Variants in RARS2 observed in about 807,000 individuals in gnomAD.
The protein encoded by RARS2 is arginyl-tRNA synthetase 2, mitochondrial, also known as probable arginine--tRNA ligase, mitochondrial.
In RARS2, 67 loss-of-function variants were observed where a neutral mutation model predicts 88.5. The observed-to-expected ratio is 0.76, with a 90% confidence interval of 0.62 to 0.93. The LOEUF is 0.93. Among genes scored for constraint, RARS2 ranks in the 40% least tolerant of loss-of-function variants. The pLI, the probability that RARS2 is intolerant of heterozygous loss-of-function variation, is 0.00. For synonymous variants in RARS2, 239 were observed against 230.3 expected (o/e 1.04, Z -0.34); for missense variants, 664 against 684.2 (o/e 0.97, Z 0.33).
chr6:87,580,561 G>A (rs1325316294), intron 1 of RARS2, among the ~76,000 whole-genome samples: 2 of 150,154 alleles, frequency 1.3e-5, no homozygotes, highest in Admixed American at 1.3e-4. Flanking sequence ...GATTACCTGA[G>A]GTCAGGAATT....
At chr6:87,583,348 G>C (rs1265992333) in intron 1 of RARS2, among the ~76,000 whole-genome samples, 1 of 152,218 alleles carries the variant, frequency 6.6e-6, no homozygotes, top group East Asian at 1.9e-4. Flanking sequence ...CCAGCACTTT[G>C]CGAGGCCGAA....
intron 7 of RARS2, among the ~76,000 whole-genome samples, chr6:87,544,323 T>C (rs980565016): frequency 6.6e-6 from 1 of 152,234 alleles, no homozygotes; most frequent in African/African-American, 2.4e-5. Context: ...TGAACAGTAA[T>C]GGTTCTGTTA....
At chr6:87,515,553 T>C (rs1250810012) in intron 18 of RARS2, among the ~76,000 whole-genome samples, 1 of 151,902 alleles carries the variant, frequency 6.6e-6, no homozygotes, top group Admixed American at 6.6e-5. Context: ...TCAATGTTAA[T>C]TTTACAAATA....
intron 5 of RARS2, among the ~76,000 whole-genome samples, chr6:87,549,507 C>T (rs6916732): frequency 0.61 from 92,189 of 151,372 alleles, 28,867 homozygotes; most frequent in African/African-American, 0.75. Context: ...ACTACGATGA[C>T]TGCACTTCAG....
chr6:87,564,268 C>A, intron 2 of RARS2, 36 bp from the exon 3 acceptor site: 1 of 1,425,290 alleles, frequency 7.0e-7, no homozygotes, highest in Non-Finnish European at 9.9e-7. Context: ...AGAACTGTTA[C>A]CTTAAAAGCA....
In RARS2 at chr6:87,589,982, C is replaced by A. The variant is rs1388847974; in HGVS notation, c.-25G>T. The A allele has an allele frequency of 6.2e-7, 1 of 1,614,076 alleles. No homozygotes were observed. Among genetic ancestry groups the A allele is most frequent in the African/African-American group, 1.3e-5 (1 of 74,960 alleles). On this transcript the variant is annotated 5_prime_UTR_variant, in exon 1 of 20. Transcript: ENST00000369536. ...TGTCCACCTCTACGGAAGTGCGCCGCAGTCCGCCAGTTCCGGCCTCGCCCC... is the reference window on the plus strand; with the variant it reads ...TGTCCACCTCTACGGAAGTGCGCCGAAGTCCGCCAGTTCCGGCCTCGCCCC...
chr6:87,551,752 AATTC>A (rs956655512), intron 5 of RARS2, among the ~76,000 whole-genome samples: 165 of 152,112 alleles, frequency 1.1e-3, no homozygotes, highest in African/African-American at 3.8e-3. Flanking sequence ...TGACCTCCAC[AATTC>A]TCATTTTACC....
Position 87,516,887 on chromosome 6 carries a change from G to C in RARS2, c.1512-7C>G, listed in dbSNP as rs199515630. 3 of 1,613,410 alleles carry C rather than the reference G, an allele frequency of 1.9e-6. No homozygotes were observed. The highest frequency in any genetic ancestry group is 2.2e-5 in the South Asian group (2 of 91,060). On this transcript the variant is annotated splice_region_variant and splice_polypyrimidine_tract_variant and intron_variant, in intron 17 of 19. Coordinates refer to ENST00000369536, the MANE Select transcript of RARS2 (RefSeq NM_020320.5). ...ATAAAGCACCTCGTCGAACCTAAAA[G>C]ATGACAGGAACAGTGAACAGGAAAA...
chr6:87,531,991 A>G (rs1266037398), intron 8 of RARS2, among the ~76,000 whole-genome samples: 1 of 152,186 alleles, frequency 6.6e-6, no homozygotes, highest in Non-Finnish European at 1.5e-5. Flanking sequence ...AACCCTTACA[A>G]TGTTATTATC....
intron 5 of RARS2, among the ~76,000 whole-genome samples, chr6:87,551,626 CAAAAAAAAAAA>C (rs71018036): frequency 3.1e-5 from 2 of 65,166 alleles, no homozygotes; most frequent in African/African-American, 6.4e-5. Context: ...TCCGTCTCAA[CAAAAAAAAAAA>C]AAAAAAAAAA....
intron 7 of RARS2, 36 bp downstream of exon 7, chr6:87,545,580 C>T (rs752538084): frequency 5.0e-6 from 8 of 1,609,334 alleles, no homozygotes; most frequent in East Asian, 2.2e-5. Flanking sequence ...TTGAATTTTA[C>T]AATGAAATGA....
At chr6:87,564,360 C>T in intron 2 of RARS2, 128 bp from the exon 3 acceptor site, 2 of 763,344 alleles carry the variant, frequency 2.6e-6, no homozygotes, top group South Asian at 1.5e-5. Context: ...TGTGTACTTT[C>T]AAAATTAAAA....
intron 5 of RARS2, among the ~76,000 whole-genome samples, chr6:87,549,441 C>T (rs1783691430): frequency 6.6e-6 from 1 of 151,586 alleles, no homozygotes; most frequent in Non-Finnish European, 1.5e-5. Context: ...GTCCTAGCTA[C>T]TTAGAAGGCT....
Position 87,545,702 on chromosome 6 carries a change from A to G in RARS2, c.452-3T>C, listed in dbSNP as rs775618170. 4 of 1,612,362 alleles carry G rather than the reference A, an allele frequency of 2.5e-6. No homozygotes were observed. The Admixed American group carries it at 5.0e-5, about 20-fold the overall frequency. ...TTTGAGATTTGCTATAAAATTTCCT[A>G]GTAATCAATAAAGTATATAGTTTCT... On this transcript the variant is annotated splice_region_variant and splice_polypyrimidine_tract_variant and intron_variant, in intron 6 of 19. Transcript: ENST00000369536.
At chr6:87,569,751 T>C (rs1769057157) in intron 1 of RARS2, among the ~76,000 whole-genome samples, 161 bp from the exon 2 acceptor site, 1 of 152,158 alleles carries the variant, frequency 6.6e-6, no homozygotes, top group Non-Finnish European at 1.5e-5. Flanking sequence ...ATATAGTGTA[T>C]GATTCAATTA....
At chr6:87,578,841 TC>T (rs1192717658) in intron 1 of RARS2, among the ~76,000 whole-genome samples, 1 of 150,074 alleles carries the variant, frequency 6.7e-6, no homozygotes, top group African/African-American at 2.5e-5. Context: ...GTGCCTGTAG[TC>T]CCAGCTACTC....
intron 6 of RARS2, 99 bp from the exon 7 acceptor site, chr6:87,545,798 T>C: frequency 1.4e-6 from 2 of 1,397,720 alleles, no homozygotes; most frequent in Non-Finnish European, 1.9e-6. Context: ...TAGAAAATTC[T>C]TTTCACTAAA....
intron 8 of RARS2, among the ~76,000 whole-genome samples, chr6:87,536,774 AGTTATTT>A (rs1284415266): frequency 6.6e-6 from 1 of 152,196 alleles, no homozygotes; most frequent in African/African-American, 2.4e-5. Context: ...AAAATATATT[AGTTATTT>A]AACAGCCAAT....
chr6:87,554,434 CTTGT>C (rs777355734), intron 5 of RARS2, among the ~76,000 whole-genome samples: 32 of 152,050 alleles, frequency 2.1e-4, no homozygotes, highest in Non-Finnish European at 3.4e-4. Flanking sequence ...TACTAAAAGA[CTTGT>C]TTCTCTGGTA....
Sources: gnomAD v4.1 joint callset for allele counts (sites outside exome capture counted in the v4.1 genomes callset) on GRCh38, gnomAD v4.1.1 for gene constraint, MANE v1.5 for transcripts, NCBI Gene and HGNC (gene_info 2026-07-23, HGNC 2026-07-21) for gene names.